Variants in TOP1 observed in about 807,000 individuals in gnomAD.
The protein encoded by TOP1 is DNA topoisomerase I.
In TOP1, 10 loss-of-function variants were observed where a neutral mutation model predicts 111.1. The observed-to-expected ratio is 0.09, with a 90% CI of 0.06 to 0.15. The LOEUF is 0.15. Among genes scored for constraint, TOP1 ranks in the 10% least tolerant of loss-of-function variants. The pLI is 1.00. For missense variants in TOP1, 474 were observed against 926.7 expected (o/e 0.51, Z 6.34); for synonymous variants, 271 against 302.9 (o/e 0.89, Z 1.10).
rs1272889939 is a variant in TOP1 at position 41,109,628 on chromosome 20, A to G, written c.1309-3154A>G. On this transcript the variant is annotated intron_variant, in intron 13 of 20. Transcript: ENST00000361337. This position sits in a 1 kb window ranked among gnomAD's most constrained non-coding sequence, Gnocchi z 4.1. The stretch of plus-strand genomic sequence containing the variant: ...TCCATAATAAAAAAACAGACATCCC[A>G]TCCGCATAATAAAAAGAGCAAAAGA... 2.0e-5 allele frequency among the ~76,000 whole-genome samples: 3 copies of G among 152,218 alleles called. No individual in the cohort carries two copies. The highest frequency in any genetic ancestry group is 2.1e-4 in the South Asian group (1 of 4,836).
Position 41,058,792 on chromosome 20 carries a change from TC to T in TOP1, c.59-2600del, listed in dbSNP as rs1351561065. Among the ~76,000 whole-genome samples the T allele has an allele frequency of 6.6e-6, 1 of 151,932 alleles. No individual in the cohort carries two copies. The highest frequency in any genetic ancestry group is 1.9e-4 in the East Asian group (1 of 5,198). ...GTTTGTGTAAGGTTAGAATAGAGGG[TC>T]CGGAAATAGACCTATAATTATATGA... On this transcript the variant is annotated intron_variant, in intron 2 of 20. Coordinates refer to ENST00000361337, the MANE Select transcript of TOP1 (RefSeq NM_003286.4). This position sits in a 1 kb window ranked among gnomAD's most constrained non-coding sequence, Gnocchi z 4.2.
rs550274203 is a variant in TOP1 at position 41,118,374 on chromosome 20, A to T, written c.1950+78A>T. 4 of 1,551,184 alleles carry T rather than the reference A, an allele frequency of 2.6e-6. No individual in the cohort carries two copies. In the East Asian group the frequency reaches 9.0e-5, roughly 35 times the overall value. Reference sequence around the variant, plus strand: ...GAATGAGAGGATTCAGGGCTGAGATATCAGCAGGCCAGTGCTGGGTCTGTT... The same window carrying T: ...GAATGAGAGGATTCAGGGCTGAGATTTCAGCAGGCCAGTGCTGGGTCTGTT... On this transcript the variant is annotated intron_variant, in intron 18 of 20. Transcript: ENST00000361337. This position sits in a 1 kb window ranked among gnomAD's most constrained non-coding sequence, Gnocchi z 4.6.
chr20:41,122,105 C>T lies in TOP1; in HGVS notation c.2145C>T (p.Ala715=), dbSNP rs771084533. 1 of 1,614,060 alleles carries T rather than the reference C, an allele frequency of 6.2e-7. No homozygotes were observed. ...ATDREENKQI[A]LGTSKLNYLD... is the part of the protein sequence containing the mutation. Reference sequence around the variant, plus strand: ...ACCGAGAGGAAAATAAACAGATTGCCCTGGGAACCTCCAAACTCAATTATC... The same window carrying T: ...ACCGAGAGGAAAATAAACAGATTGCTCTGGGAACCTCCAAACTCAATTATC... The change falls in exon 20 of 21, where the codon GCC becomes GCT. Residue 715 remains alanine, a synonymous_variant. Coordinates refer to ENST00000361337, the MANE Select transcript of TOP1 (RefSeq NM_003286.4). The surrounding 1 kb of genome is among the most constrained non-coding windows in gnomAD (Gnocchi z 5.4).
chr20:41,108,152 G>A (rs767044534), intron 13 of TOP1, among the ~76,000 whole-genome samples: 5 of 152,158 alleles, frequency 3.3e-5, no homozygotes, highest in Non-Finnish European at 7.4e-5. Flanking sequence ...ATGGGAAGCT[G>A]CCATCATGAT....
Position 41,121,679 on chromosome 20 carries a change from A to G in TOP1, c.1951-17A>G. On this transcript the variant is annotated splice_polypyrimidine_tract_variant and intron_variant, in intron 18 of 20. Transcript: ENST00000361337. The surrounding 1 kb of genome is among the most constrained non-coding windows in gnomAD (Gnocchi z 4.2). ...TTCCTCTACAGCTCATAACCTTACC[A>G]CTATTATTTCCCCTAGATTGATGCC... The G allele has an allele frequency of 6.2e-7, 1 of 1,605,504 alleles. No homozygotes were observed. Among genetic ancestry groups the G allele is most frequent in the Non-Finnish European group, 8.5e-7 (1 of 1,172,298 alleles).
In TOP1 at chr20:41,098,856, A is replaced by T. The variant is rs1479017445; in HGVS notation, c.975+519A>T. 6.6e-6 allele frequency: 1 copy of T among 151,568 alleles called. No individual in the cohort carries two copies. Among genetic ancestry groups the T allele is most frequent in the Non-Finnish European group, 1.5e-5 (1 of 67,988 alleles). The allele number at this position is 151,568 out of a possible 1,614,324, so 9.4% of individuals were successfully genotyped here. On this transcript the variant is annotated intron_variant, in intron 11 of 20. Coordinates refer to ENST00000361337, the MANE Select transcript of TOP1 (RefSeq NM_003286.4). This position sits in a 1 kb window ranked among gnomAD's most constrained non-coding sequence, Gnocchi z 5.7. ...TTGTAAAAAAAAAAAAAAAAAATTT[A>T]TTGGAACCAGCTGCCTCTACTTGTC...
In TOP1 at chr20:41,091,022, T is replaced by C. The variant is rs1023835605; in HGVS notation, c.615-1450T>C. 4.6e-5 allele frequency among the ~76,000 whole-genome samples: 7 copies of C among 152,352 alleles called. No homozygotes were observed. The East Asian group carries it at 1.3e-3, about 29-fold the overall frequency. On this transcript the variant is annotated intron_variant, in intron 8 of 20. Coordinates refer to ENST00000361337, the MANE Select transcript of TOP1 (RefSeq NM_003286.4). ...TTGCCAACACTATTGTTGAAAAAAC[T>C]GTTCTTTCTCCATTGAATGGTCTTA...
At position 41,034,046 on chromosome 20, in the gene TOP1, G is replaced by A. The variant is rs2033154187; in HGVS notation, c.58+4591G>A. ...TTGGATGTGGAGGTGAGAGTCAGTT[G>A]AGTGAATTTTCTGTGTTGTATGGTT... On this transcript the variant is annotated intron_variant, in intron 2 of 20. Coordinates refer to ENST00000361337, the MANE Select transcript of TOP1 (RefSeq NM_003286.4). This position sits in a 1 kb window ranked among gnomAD's most constrained non-coding sequence, Gnocchi z 4.0. Among the ~76,000 whole-genome samples, 3 of 152,098 alleles carry A rather than the reference G, an allele frequency of 2.0e-5. No individual in the cohort carries two copies. In the South Asian group the frequency reaches 6.2e-4, roughly 32 times the overall value.
rs2122576912 is a variant in TOP1 at position 41,028,941 on chromosome 20, A to G, written c.-127A>G. On this transcript the variant is annotated 5_prime_UTR_variant, in exon 1 of 21. Coordinates refer to ENST00000361337, the MANE Select transcript of TOP1 (RefSeq NM_003286.4). ...GCCGTTTCTGGAGTCTCGGGCCCAC[A>G]GTCACCGCCGCTTACCTGCGCCTCC... 7 of 752,184 alleles carry G rather than the reference A, an allele frequency of 9.3e-6. No homozygotes were observed. The highest frequency in any genetic ancestry group is 2.4e-5 in the Admixed American group (1 of 42,096). 46.6% of individuals were successfully genotyped at this position (752,184 alleles called of 1,614,324 possible). A position where few individuals can be genotyped will look rare whatever the true frequency, so the allele number is the denominator to read the frequency against.
At chr20:41,093,744 C>T (rs1354277638) in intron 9 of TOP1, among the ~76,000 whole-genome samples, 4 of 152,224 alleles carry the variant, frequency 2.6e-5, no homozygotes, top group Non-Finnish European at 5.9e-5. Context: ...GTGGTGAACA[C>T]TCAGGCATTC....
chr20:41,113,898 A>AAC, intron 14 of TOP1, 72 bp from the exon 15 acceptor site: 1 of 1,250,552 alleles, frequency 8.0e-7, no homozygotes, highest in Non-Finnish European at 1.1e-6. Flanking sequence ...AAAAAAAAAA[A>AAC]ACACAGAACG....
At position 41,121,661 on chromosome 20, in the gene TOP1, A is replaced by G; in HGVS notation, c.1951-35A>G. 6.4e-7 allele frequency: 1 copy of G among 1,566,048 alleles called. No individual in the cohort carries two copies. The highest frequency in any genetic ancestry group is 1.1e-5 in the South Asian group (1 of 90,078). On this transcript the variant is annotated intron_variant, in intron 18 of 20. Transcript: ENST00000361337. The surrounding 1 kb of genome is among the most constrained non-coding windows in gnomAD (Gnocchi z 4.2). ...TCTCAGGTGGAGCCATTTTTCCTCT[A>G]CAGCTCATAACCTTACCACTATTAT...
At chr20:41,105,480 T>G (rs576515526) in intron 13 of TOP1, among the ~76,000 whole-genome samples, 10 of 152,270 alleles carry the variant, frequency 6.6e-5, no homozygotes, top group African/African-American at 2.2e-4. Context: ...TCATAAAAAC[T>G]TATCTATTCT....
intron 2 of TOP1, among the ~76,000 whole-genome samples, chr20:41,036,200 C>A (rs933099563): frequency 1.3e-5 from 2 of 152,168 alleles, no homozygotes; most frequent in African/African-American, 4.8e-5. Flanking sequence ...ATTCTGGAAA[C>A]CCCACTCAGG....
At chr20:41,039,857 A>T (rs55688301) in intron 2 of TOP1, among the ~76,000 whole-genome samples, 14,394 of 152,108 alleles carry the variant, frequency 0.095, 930 homozygotes, top group African/African-American at 0.18. Context: ...CAGTGAGCCG[A>T]GATTGCGCCA....
intron 14 of TOP1, among the ~76,000 whole-genome samples, chr20:41,113,577 A>C (rs1230275214): frequency 6.6e-6 from 1 of 152,024 alleles, no homozygotes; most frequent in Admixed American, 6.6e-5. Flanking sequence ...GATGCCTAGA[A>C]ATTGCATAAG....
At chr20:41,107,563 GATTTTGTTTCA>G (rs1424667879) in intron 13 of TOP1, among the ~76,000 whole-genome samples, 1 of 151,986 alleles carries the variant, frequency 6.6e-6, no homozygotes, top group Non-Finnish European at 1.5e-5. Context: ...TTTTATATCT[GATTTTGTTTCA>G]TTTTTGTTTT....
At chr20:41,065,336 C>T (rs776409283) in intron 3 of TOP1, among the ~76,000 whole-genome samples, 1 of 152,202 alleles carries the variant, frequency 6.6e-6, no homozygotes, top group Non-Finnish European at 1.5e-5. Flanking sequence ...TCTTTCTTCT[C>T]ACGTACTCTT....
Position 41,034,590 on chromosome 20 carries a change from T to C in TOP1, c.58+5135T>C, listed in dbSNP as rs2033161909. On this transcript the variant is annotated intron_variant, in intron 2 of 20. Coordinates refer to ENST00000361337, the MANE Select transcript of TOP1 (RefSeq NM_003286.4). The surrounding 1 kb of genome is among the most constrained non-coding windows in gnomAD (Gnocchi z 4.0). ...AGATATTGATGGTATTTTGGTGGCG[T>C]TATGAGAAATGGCTGATAGTTTGCT... Among the ~76,000 whole-genome samples, 2 of 152,180 alleles carry C rather than the reference T, an allele frequency of 1.3e-5. No individual in the cohort carries two copies. The highest frequency in any genetic ancestry group is 1.3e-4 in the Admixed American group (2 of 15,274).
Sources: allele counts gnomAD v4.1 joint callset (sites outside exome capture counted in the v4.1 genomes callset), GRCh38; gene constraint gnomAD v4.1.1; non-coding constraint Gnocchi (gnomAD v3.1); transcripts MANE v1.5; gene names NCBI Gene and HGNC (gene_info 2026-07-23, HGNC 2026-07-21).